The following CADPS2 variants were observed in gnomAD, a reference collection of about 807,000 sequenced individuals.
CADPS2 encodes the protein calcium-dependent secretion activator 2.
A neutral mutation model predicts 172.5 loss-of-function variants in CADPS2; 93 were observed. The observed-to-expected ratio is 0.54, with a 90% CI of 0.46 to 0.64. The LOEUF (loss-of-function observed/expected upper bound fraction) is 0.64. Ranked by LOEUF, CADPS2 falls within the 30% of genes least tolerant of loss-of-function variation. The pLI is 0.00. For missense variants in CADPS2, 1,420 were observed against 1,565.9 expected, an observed-to-expected ratio of 0.91 and a Z score of 1.57; for synonymous variants, 546 against 555.2, an observed-to-expected ratio of 0.98 and a Z score of 0.23.
chr7:122,491,607 T>G (rs977383330), intron 9 of CADPS2, among the ~76,000 whole-genome samples, 187 bp from the exon 10 acceptor site: 3 of 152,132 alleles, frequency 2.0e-5, no homozygotes, highest in Admixed American at 2.0e-4. Flanking sequence ...TCAGCTTGCA[T>G]TTGTTGGGTC....
At chr7:122,377,573 T>C (rs1357805931) in intron 25 of CADPS2, among the ~76,000 whole-genome samples, 1 of 152,162 alleles carries the variant, frequency 6.6e-6, no homozygotes, top group Non-Finnish European at 1.5e-5. Context: ...AAAATTTCCC[T>C]GAAGGCCTCA....
chr7:122,497,570 T>C (rs940088682), intron 9 of CADPS2, among the ~76,000 whole-genome samples: 1 of 152,214 alleles, frequency 6.6e-6, no homozygotes, highest in Admixed American at 6.5e-5. Flanking sequence ...CTCATTATAT[T>C]AGTTCTACCT....
At position 122,699,182 on chromosome 7, in the gene CADPS2, T is replaced by G. The variant is rs1363994236; in HGVS notation, c.454-35613A>C. ...ACTATTGTGTGATGTGATTATGACATGCAAGACCCAGCAGCCAATTAGATA... is the reference window on the plus strand; with the variant it reads ...ACTATTGTGTGATGTGATTATGACAGGCAAGACCCAGCAGCCAATTAGATA... On this transcript the variant is annotated intron_variant, in intron 2 of 29. Transcript: ENST00000449022. The G allele has an allele frequency of 8.4e-6, 3 of 357,982 alleles. No individual in the cohort carries two copies. The East Asian group carries it at 1.4e-4, about 17-fold the overall frequency. 22.2% of individuals were successfully genotyped at this position (357,982 alleles called of 1,614,324 possible). A position where few individuals can be genotyped will look rare whatever the true frequency, so the allele number is the denominator to read the frequency against.
chr7:122,652,127 CCA>C (rs903595408), intron 3 of CADPS2, among the ~76,000 whole-genome samples: 2 of 152,170 alleles, frequency 1.3e-5, no homozygotes, highest in African/African-American at 4.8e-5. Context: ...CAGAGATTAA[CCA>C]CACCACTATA....
intron 1 of CADPS2, among the ~76,000 whole-genome samples, chr7:122,846,282 A>T (rs1811965583): frequency 6.6e-6 from 1 of 152,234 alleles, no homozygotes; most frequent in Non-Finnish European, 1.5e-5. Flanking sequence ...CAAGAAAAAT[A>T]GCTGTAAAGA....
chr7:122,380,173 T>C (rs566150124), intron 24 of CADPS2, among the ~76,000 whole-genome samples: 3 of 152,182 alleles, frequency 2.0e-5, no homozygotes, highest in Admixed American at 2.0e-4. Flanking sequence ...CTTTAGAGAA[T>C]ACTAGAGGGC....
At position 122,591,857 on chromosome 7, in the gene CADPS2, A is replaced by C. The variant is rs534316420; in HGVS notation, c.1224-10567T>G. Among the ~76,000 whole-genome samples the C allele has an allele frequency of 1.3e-3, 204 of 152,338 alleles. 1 individual carries two copies. The highest frequency in any genetic ancestry group is 4.6e-3 in the African/African-American group (192 of 41,586). On this transcript the variant is annotated intron_variant, in intron 6 of 29. Transcript: ENST00000449022. ...TAACTCAAGATGGATCAAAGACTCA[A>C]ATGTCAGACCTAAAACCATAAAAAC...
At chr7:122,444,065 T>G (rs567830514) in intron 15 of CADPS2, among the ~76,000 whole-genome samples, 12 of 152,166 alleles carry the variant, frequency 7.9e-5, no homozygotes, top group Non-Finnish European at 1.5e-4. Flanking sequence ...TAAGAGGAAA[T>G]GTACAGTATT....
chr7:122,395,954 C>T (rs925445213), intron 20 of CADPS2, among the ~76,000 whole-genome samples: 6 of 151,940 alleles, frequency 3.9e-5, no homozygotes, highest in Admixed American at 6.6e-5. Flanking sequence ...GGATTATAGG[C>T]GCATGCCACC....
chr7:122,518,003 T>G (rs10258422), intron 8 of CADPS2, among the ~76,000 whole-genome samples: 1,900 of 151,990 alleles, frequency 0.013, 35 homozygotes, highest in African/African-American at 0.043. Flanking sequence ...TTGTTATGAT[T>G]TTTTTTATGG....
intron 6 of CADPS2, among the ~76,000 whole-genome samples, chr7:122,613,227 A>T (rs1039980535): frequency 6.6e-6 from 1 of 152,180 alleles, no homozygotes; most frequent in Admixed American, 6.6e-5. Flanking sequence ...AAATCAAGAA[A>T]GTGAAAAAAA....
At chr7:122,815,569 T>C (rs925033912) in intron 1 of CADPS2, among the ~76,000 whole-genome samples, 3 of 150,568 alleles carry the variant, frequency 2.0e-5, no homozygotes, top group Non-Finnish European at 3.0e-5. Context: ...AGAAACACAA[T>C]AGCAATAGAC....
At chr7:122,608,508 G>C (rs2073884645) in intron 6 of CADPS2, among the ~76,000 whole-genome samples, 2 of 152,060 alleles carry the variant, frequency 1.3e-5, no homozygotes, top group Admixed American at 1.3e-4. Flanking sequence ...TTACAATTCT[G>C]GTTAAGAATT....
At chr7:122,536,525 A>G (rs1432960168) in intron 8 of CADPS2, among the ~76,000 whole-genome samples, 1 of 152,108 alleles carries the variant, frequency 6.6e-6, no homozygotes, top group African/African-American at 2.4e-5. Context: ...AAAGTACCCA[A>G]TCCATTGCAT....
intron 1 of CADPS2, among the ~76,000 whole-genome samples, chr7:122,861,112 G>T (rs1469619115): frequency 1.3e-5 from 2 of 152,100 alleles, no homozygotes; most frequent in Non-Finnish European, 2.9e-5. Flanking sequence ...CCTTTGAATA[G>T]ATACCCAGTA....
intron 7 of CADPS2, among the ~76,000 whole-genome samples, chr7:122,561,969 C>A (rs2065838418): frequency 6.6e-6 from 1 of 151,986 alleles, no homozygotes. Flanking sequence ...AAAATGTAAA[C>A]CTAAAATTAA....
chr7:122,868,977 G>C (rs1027210123), intron 1 of CADPS2, among the ~76,000 whole-genome samples: 29 of 151,836 alleles, frequency 1.9e-4, no homozygotes, highest in Non-Finnish European at 1.5e-5. Flanking sequence ...CAAATTTAAA[G>C]ACAAAATCAT....
chr7:122,615,356 C>T (rs1587851508), intron 5 of CADPS2, 57 bp from the exon 6 acceptor site: 3 of 1,155,300 alleles, frequency 2.6e-6, no homozygotes, highest in East Asian at 5.3e-5. Context: ...TAGCAATATA[C>T]ATAAACAGCA....
intron 2 of CADPS2, among the ~76,000 whole-genome samples, chr7:122,667,533 A>C (rs184573758): frequency 6.6e-6 from 1 of 152,326 alleles, no homozygotes; most frequent in African/African-American, 2.4e-5. Context: ...GGATTCTGCT[A>C]AGTGTTGGGG....
Sources: gnomAD v4.1 joint callset for allele counts (sites outside exome capture counted in the v4.1 genomes callset) on GRCh38, gnomAD v4.1.1 for gene constraint, MANE v1.5 for transcripts, NCBI Gene and HGNC (gene_info 2026-07-23, HGNC 2026-07-21) for gene names.